ZDHHC3: variants seen among roughly 807,000 people sequenced by gnomAD.
ZDHHC3 encodes palmitoyltransferase ZDHHC3.
In ZDHHC3, 9 loss-of-function variants were observed where a neutral mutation model predicts 30.6. That is an observed-to-expected ratio of 0.29 (90% CI 0.18 to 0.51). The LOEUF (loss-of-function observed/expected upper bound fraction) is 0.51. ZDHHC3 is among the 20% of genes least tolerant of loss of function. ZDHHC3 has a pLI of 0.97. For synonymous variants in ZDHHC3, 136 were observed against 140.2 expected (o/e 0.97, Z 0.21); for missense variants, 246 against 384.2 (o/e 0.64, Z 3.01).
At chr3:44,948,316 GA>G (rs1703132790) in intron 2 of ZDHHC3, among the ~76,000 whole-genome samples, 1 of 152,126 alleles carries the variant, frequency 6.6e-6, no homozygotes, top group African/African-American at 2.4e-5. Context: ...TCCTATAAAA[GA>G]ATTCTGGGAA....
intron 6 of ZDHHC3, among the ~76,000 whole-genome samples, chr3:44,928,275 C>T (rs976496271): frequency 4.6e-5 from 7 of 152,160 alleles, no homozygotes; most frequent in Non-Finnish European, 7.4e-5. Context: ...CCGGAAGACC[C>T]GAATAATGGT....
intron 2 of ZDHHC3, among the ~76,000 whole-genome samples, chr3:44,957,302 G>A (rs1267181117): frequency 6.6e-6 from 1 of 152,158 alleles, no homozygotes; most frequent in South Asian, 2.1e-4. Flanking sequence ...ACAAGGGCAG[G>A]AATTTGCATC....
chr3:44,948,064 C>T (rs1034702402), intron 2 of ZDHHC3, among the ~76,000 whole-genome samples: 1 of 152,196 alleles, frequency 6.6e-6, no homozygotes, highest in Admixed American at 6.5e-5. Flanking sequence ...AAGCTCCACT[C>T]CTCAGTAGGC....
chr3:44,973,699 C>T (rs1179783807), intron 1 of ZDHHC3, among the ~76,000 whole-genome samples: 2 of 152,190 alleles, frequency 1.3e-5, no homozygotes, highest in Non-Finnish European at 2.9e-5. Context: ...CTCAGGTGAT[C>T]CACCGGCCTC....
At position 44,918,230 on chromosome 3, in the gene ZDHHC3, T is replaced by C; in HGVS notation, c.*8459A>G. 6.7e-6 allele frequency: 5 copies of C among 750,274 alleles called. No homozygotes were observed. Among genetic ancestry groups the C allele is most frequent in the East Asian group, 8.9e-5 (1 of 11,214 alleles). 46.5% of individuals were successfully genotyped at this position (750,274 alleles called of 1,614,324 possible). The stretch of plus-strand genomic sequence containing the variant: ...GACACCCCCAGCTATAGCATAGCAG[T>C]GGCGGGGGGGGGGGCGGGGTGTCCA... On this transcript the variant is annotated 3_prime_UTR_variant, in exon 7 of 7. Transcript: ENST00000424952.
At position 44,923,603 on chromosome 3, in the gene ZDHHC3, A is replaced by G; in HGVS notation, c.*3086T>C. 3.2e-6 allele frequency: 3 copies of G among 945,280 alleles called. No homozygotes were observed. Among genetic ancestry groups the G allele is most frequent in the Non-Finnish European group, 3.8e-6 (3 of 793,588 alleles). The allele number at this position is 945,280 out of a possible 1,614,324, so 58.6% of individuals were successfully genotyped here. ...AATTGCTGGAGGCCGGGCATTTGAG[A>G]CTAGCTAGGGCAACACAGTGAGACC... is the stretch of plus-strand genomic sequence containing the variant. On this transcript the variant is annotated 3_prime_UTR_variant, in exon 7 of 7. Transcript: ENST00000424952.
intron 2 of ZDHHC3, among the ~76,000 whole-genome samples, chr3:44,947,944 G>T (rs1376017082): frequency 6.6e-6 from 1 of 152,180 alleles, no homozygotes; most frequent in Admixed American, 6.5e-5. Flanking sequence ...TGCCTGCTTG[G>T]CCCAGCTCCC....
intron 6 of ZDHHC3, among the ~76,000 whole-genome samples, chr3:44,928,588 C>T: frequency 6.6e-6 from 1 of 152,158 alleles, no homozygotes; most frequent in East Asian, 1.9e-4. Flanking sequence ...CAGAGAAATG[C>T]CCATATTGCA....
chr3:44,922,918 G>A lies in ZDHHC3; in HGVS notation c.*3771C>T, dbSNP rs574293550. On this transcript the variant is annotated 3_prime_UTR_variant, in exon 7 of 7. Coordinates refer to ENST00000424952, the MANE Select transcript of ZDHHC3 (RefSeq NM_001135179.2). ...TCTAAGGGCACCTTCTAGGTGGGGC[G>A]CCTTCCCCTCTACTGGCTGGCTCAC... is the stretch of plus-strand genomic sequence containing the variant. The A allele has an allele frequency of 2.5e-4, 243 of 985,194 alleles. No homozygotes were observed. Among genetic ancestry groups the A allele is most frequent in the South Asian group, 3.3e-4 (7 of 21,262 alleles). The allele number at this position is 985,194 out of a possible 1,614,324, so 61.0% of individuals were successfully genotyped here.
rs1330880881 is a variant in ZDHHC3, at chr3:44,918,442, A to C, written c.*8247T>G. On this transcript the variant is annotated 3_prime_UTR_variant, in exon 7 of 7. Coordinates refer to ENST00000424952, the MANE Select transcript of ZDHHC3 (RefSeq NM_001135179.2). ...AGCCCTCCCCTTCTTTCCTTCCACA[A>C]GTGCAATGCCAGATGATGGGCAGGG... 1 of 985,234 alleles carries C rather than the reference A, an allele frequency of 1.0e-6. No homozygotes were observed. Among genetic ancestry groups the C allele is most frequent in the Non-Finnish European group, 1.2e-6 (1 of 829,892 alleles). 61.0% of individuals were successfully genotyped at this position (985,234 alleles called of 1,614,324 possible).
chr3:44,940,519 C>CTCCATG (rs1702349072), intron 3 of ZDHHC3, among the ~76,000 whole-genome samples: 1 of 152,212 alleles, frequency 6.6e-6, no homozygotes, highest in Non-Finnish European at 1.5e-5. Flanking sequence ...GTGGATGAGA[C>CTCCATG]GCTGTAAGCT....
chr3:44,962,154 T>G (rs765751678), intron 1 of ZDHHC3, among the ~76,000 whole-genome samples: 12 of 151,758 alleles, frequency 7.9e-5, no homozygotes, highest in Non-Finnish European at 1.6e-4. Context: ...TCTATCAAAC[T>G]GTTTTTTTTA....
Position 44,923,386 on chromosome 3 carries a change from C to A in ZDHHC3, c.*3303G>T. The A allele has an allele frequency of 1.0e-6, 1 of 985,360 alleles. No homozygotes were observed. Among genetic ancestry groups the A allele is most frequent in the Non-Finnish European group, 1.2e-6 (1 of 829,916 alleles). The allele number at this position is 985,360 out of a possible 1,614,324, so 61.0% of individuals were successfully genotyped here. A position where few individuals can be genotyped will look rare whatever the true frequency, so the allele number is the denominator to read the frequency against. ...GGATGTCCACAGTGAGAAGTGTCCG[C>A]GCCCGGCTTAAAATGTTTGTTAATT... On this transcript the variant is annotated 3_prime_UTR_variant, in exon 7 of 7. Transcript: ENST00000424952.
chr3:44,928,110 A>G lies in ZDHHC3; in HGVS notation c.741+1196T>C, dbSNP rs569710342. Among the ~76,000 whole-genome samples the G allele has an allele frequency of 1.6e-3, 248 of 152,326 alleles. 2 individuals are homozygous for G. Among genetic ancestry groups the G allele is most frequent in the Non-Finnish European group, 3.1e-3 (209 of 68,028 alleles). On this transcript the variant is annotated intron_variant, in intron 6 of 6. Transcript: ENST00000424952. ...AAAGAATCCCCATCGGGTTCCCCGTATATCTTACGTAGAGAAGTTGGTCAC... is the reference window on the plus strand; with the variant it reads ...AAAGAATCCCCATCGGGTTCCCCGTGTATCTTACGTAGAGAAGTTGGTCAC...
In ZDHHC3 at chr3:44,956,257, C is replaced by CCA. The variant is rs533459821; in HGVS notation, c.306+2872_306+2873dup. ...CATGCCTTACAGAAACCAATGACCTCCACACACACTCTCTCCAACCCTGAT... is the reference window on the plus strand; with the variant it reads ...CATGCCTTACAGAAACCAATGACCTCCACACACACACTCTCTCCAACCCTGAT... On this transcript the variant is annotated intron_variant, in intron 2 of 6. Coordinates refer to ENST00000424952, the MANE Select transcript of ZDHHC3 (RefSeq NM_001135179.2). Among the ~76,000 whole-genome samples the CCA allele has an allele frequency of 2.1e-4, 32 of 152,298 alleles. No homozygotes were observed. In the East Asian group the frequency reaches 4.8e-3, roughly 23 times the overall value.
intron 2 of ZDHHC3, among the ~76,000 whole-genome samples, chr3:44,954,263 A>T (rs1703730775): frequency 6.6e-6 from 1 of 152,184 alleles, no homozygotes; most frequent in African/African-American, 2.4e-5. Flanking sequence ...ATGTGGTTAA[A>T]TTGACTATAA....
chr3:44,971,235 T>C lies in ZDHHC3; in HGVS notation c.-25+4698A>G, dbSNP rs183685779. On this transcript the variant is annotated intron_variant, in intron 1 of 6. Coordinates refer to ENST00000424952, the MANE Select transcript of ZDHHC3 (RefSeq NM_001135179.2). ...ATCTCCACTGACCTTGAATAGGAAA[T>C]ACATATTCATATCTTGCCAAGAGTT... is the stretch of plus-strand genomic sequence containing the variant. Among the ~76,000 whole-genome samples the C allele has an allele frequency of 2.5e-4, 38 of 152,352 alleles. No homozygotes were observed. In the East Asian group the frequency reaches 7.3e-3, roughly 29 times the overall value.
chr3:44,968,614 T>C (rs745399666), intron 1 of ZDHHC3, among the ~76,000 whole-genome samples: 2 of 152,186 alleles, frequency 1.3e-5, no homozygotes, highest in Non-Finnish European at 2.9e-5. Context: ...GAGGATCGCC[T>C]GAGCCCAGAA....
At chr3:44,948,593 A>T (rs766143547) in intron 2 of ZDHHC3, among the ~76,000 whole-genome samples, 16 of 152,206 alleles carry the variant, frequency 1.1e-4, no homozygotes, top group Non-Finnish European at 1.6e-4. Context: ...GAGGCAGAGC[A>T]CCTAGAGAAA....
Sources: allele counts gnomAD v4.1 joint callset (sites outside exome capture counted in the v4.1 genomes callset), GRCh38; gene constraint gnomAD v4.1.1; transcripts MANE v1.5; gene names NCBI Gene and HGNC (gene_info 2026-07-23, HGNC 2026-07-21).